ADAM29: variants seen among roughly 807,000 people sequenced by gnomAD.
ADAM29 encodes disintegrin and metalloproteinase domain-containing protein 29.
For synonymous variants in ADAM29, 367 were observed against 342.3 expected (o/e 1.07, Z -0.80); for missense variants, 969 against 1,001.8 (o/e 0.97, Z 0.44).
chr4:174,935,797 T>C (rs1250912470), intron 3 of ADAM29, among the ~76,000 whole-genome samples: 1 of 152,064 alleles, frequency 6.6e-6, no homozygotes. Flanking sequence ...GATGTAGACT[T>C]CTGAGTCAGC....
chr4:174,964,969 A>T (rs1314569824), intron 4 of ADAM29, among the ~76,000 whole-genome samples: 1 of 152,142 alleles, frequency 6.6e-6, no homozygotes, highest in Non-Finnish European at 1.5e-5. Flanking sequence ...ATGGAAGTCA[A>T]AGAGAACTGG....
chr4:174,930,808 T>C (rs1413039177), intron 2 of ADAM29, among the ~76,000 whole-genome samples, 178 bp from the exon 3 acceptor site: 1 of 152,220 alleles, frequency 6.6e-6, no homozygotes, highest in Non-Finnish European at 1.5e-5. Context: ...TTTATATTTA[T>C]GCATTTAAAT....
rs201746754 is a variant in ADAM29, at chr4:174,962,815, ATT to A, written c.-180-12529_-180-12528del. ...AAAACTTTGAATTACTTGATTCAAC[ATT>A]TGTTTGTATTAATTAATCATGATTT... is the stretch of plus-strand genomic sequence containing the variant. On this transcript the variant is annotated intron_variant, in intron 4 of 4. Transcript: ENST00000359240. 8.0e-3 allele frequency among the ~76,000 whole-genome samples: 1,216 copies of A among 152,326 alleles called. 10 individuals carry two copies. Among genetic ancestry groups the A allele is most frequent in the Non-Finnish European group, 0.012 (811 of 68,014 alleles).
intron 3 of ADAM29, among the ~76,000 whole-genome samples, chr4:174,933,152 T>C (rs917016769): frequency 2.0e-5 from 3 of 152,068 alleles, no homozygotes; most frequent in African/African-American, 7.2e-5. Flanking sequence ...CAGAATGGGG[T>C]CTGGGATAAC....
At chr4:174,928,324 A>C (rs1743636781) in intron 2 of ADAM29, among the ~76,000 whole-genome samples, 2 of 151,998 alleles carry the variant, frequency 1.3e-5, no homozygotes, top group South Asian at 2.1e-4. Flanking sequence ...AGGTGTCTTG[A>C]CCGCATCCTG....
intron 4 of ADAM29, among the ~76,000 whole-genome samples, chr4:174,972,875 T>C (rs1432454549): frequency 6.6e-6 from 1 of 152,158 alleles, no homozygotes; most frequent in African/African-American, 2.4e-5. Context: ...ATTTTTTGTC[T>C]GCTCTCTATG....
At chr4:174,966,554 T>G (rs1483048707) in intron 4 of ADAM29, among the ~76,000 whole-genome samples, 1 of 152,210 alleles carries the variant, frequency 6.6e-6, no homozygotes, top group Non-Finnish European at 1.5e-5. Flanking sequence ...AATGGATAAT[T>G]TATCTCAAGG....
At chr4:174,950,566 A>C (rs1334841055) in intron 4 of ADAM29, among the ~76,000 whole-genome samples, 1 of 152,158 alleles carries the variant, frequency 6.6e-6, no homozygotes, top group Non-Finnish European at 1.5e-5. Context: ...TTTCTGAAAA[A>C]ACTTCCACAC....
chr4:174,976,032 T>G lies in ADAM29; in HGVS notation c.507T>G (p.Asn169Lys), dbSNP rs1746764685. The G allele has an allele frequency of 6.2e-7, 1 of 1,612,628 alleles. No homozygotes were observed. Among genetic ancestry groups the G allele is most frequent in the African/African-American group, 1.3e-5 (1 of 74,966 alleles). Residue 169 changes from asparagine to lysine, a missense_variant, in exon 5 of 5, where the codon AAT becomes AAG. Transcript: ENST00000359240. ...FSTMRSGFMQ[N>K]EITCRMEFEE... Reference sequence around the variant, plus strand: ...CCATGAGATCCGGATTTATGCAAAATGAAATAACATGCCGAATGGAATTTG... The same window carrying G: ...CCATGAGATCCGGATTTATGCAAAAGGAAATAACATGCCGAATGGAATTTG...
intron 4 of ADAM29, among the ~76,000 whole-genome samples, chr4:174,970,068 G>GA (rs887293292): frequency 2.0e-5 from 3 of 149,082 alleles, no homozygotes; most frequent in South Asian, 2.1e-4. Context: ...ATAGGTACAA[G>GA]AAAAAAAAAT....
At chr4:174,933,085 T>C (rs1398462346) in intron 3 of ADAM29, among the ~76,000 whole-genome samples, 1 of 152,158 alleles carries the variant, frequency 6.6e-6, no homozygotes, top group Non-Finnish European at 1.5e-5. Flanking sequence ...GGATGTTTTG[T>C]AATTGTGATT....
intron 2 of ADAM29, among the ~76,000 whole-genome samples, chr4:174,929,270 T>G (rs936110792): frequency 6.6e-6 from 1 of 152,320 alleles, no homozygotes. Context: ...TTGTACCACC[T>G]TTTTGAAGCA....
chr4:174,928,580 A>AAAAAC (rs1461774147), intron 2 of ADAM29, among the ~76,000 whole-genome samples: 1 of 151,642 alleles, frequency 6.6e-6, no homozygotes, highest in Admixed American at 6.6e-5. Context: ...AAAAAAAAAA[A>AAAAAC]AGACACCAGC....
intron 4 of ADAM29, among the ~76,000 whole-genome samples, chr4:174,946,241 C>T (rs1744842463): frequency 6.6e-6 from 1 of 151,926 alleles, no homozygotes; most frequent in Admixed American, 6.6e-5. Context: ...GTATTTTATA[C>T]TTTATACTTT....
chr4:174,922,990 T>G (rs1056102705), intron 2 of ADAM29, among the ~76,000 whole-genome samples: 2 of 152,178 alleles, frequency 1.3e-5, no homozygotes, highest in African/African-American at 4.8e-5. Flanking sequence ...GAAACACATA[T>G]GCTTAGTTAG....
At chr4:174,934,164 C>T (rs1029565402) in intron 3 of ADAM29, among the ~76,000 whole-genome samples, 23 of 152,204 alleles carry the variant, frequency 1.5e-4, no homozygotes, top group Admixed American at 1.3e-4. Context: ...GCCATTCTGA[C>T]TGGTGTGAGA....
chr4:174,933,404 G>C (rs1402550091), intron 3 of ADAM29, among the ~76,000 whole-genome samples: 2 of 152,044 alleles, frequency 1.3e-5, no homozygotes, highest in Non-Finnish European at 2.9e-5. Flanking sequence ...TCTAACATGA[G>C]GTGGAAAAGG....
At chr4:174,926,924 A>T (rs1743554316) in intron 2 of ADAM29, among the ~76,000 whole-genome samples, 1 of 151,726 alleles carries the variant, frequency 6.6e-6, no homozygotes, top group South Asian at 2.1e-4. Context: ...AAATTCAGTA[A>T]AATATACAAA....
Position 174,977,128 on chromosome 4 carries a change from G to A in ADAM29, c.1603G>A (p.Gly535Ser). The A allele has an allele frequency of 1.2e-6, 2 of 1,613,992 alleles. No individual in the cohort carries two copies. The highest frequency in any genetic ancestry group is 2.2e-5 in the East Asian group (1 of 44,876). The change falls in exon 5 of 5, where the codon GGT (glycine) becomes AGT (serine). Residue 535 changes from glycine to serine, a missense_variant. By Grantham distance (56) the Gly-to-Ser change is moderately conservative (BLOSUM62 0). Coordinates refer to ENST00000359240, the MANE Select transcript of ADAM29 (RefSeq NM_014269.4). The part of the protein sequence containing the change: ...NTLGDRVGHC[G>S]IKNATYIKCN... ...CTTAGGTGACCGTGTTGGTCACTGTGGTATCAAAAATGCTACATATATAAA... is the reference window on the plus strand; with the variant it reads ...CTTAGGTGACCGTGTTGGTCACTGTAGTATCAAAAATGCTACATATATAAA...
Sources: gnomAD v4.1 joint callset for allele counts (sites outside exome capture counted in the v4.1 genomes callset) on GRCh38, gnomAD v4.1.1 for gene constraint, MANE v1.5 for transcripts, NCBI Gene and HGNC (gene_info 2026-07-23, HGNC 2026-07-21) for gene names.